Variants in ERP44 observed in about 807,000 individuals in gnomAD.
The protein encoded by ERP44 is endoplasmic reticulum resident protein 44.
Under a neutral mutation model 53.4 loss-of-function variants are expected in ERP44, and 25 were observed. The observed-to-expected ratio is 0.47, with a 90% CI of 0.34 to 0.65. The LOEUF (loss-of-function observed/expected upper bound fraction) is 0.65, where lower values mean the gene tolerates loss of function less well. Among genes scored for constraint, ERP44 ranks in the 30% least tolerant of loss-of-function variants. ERP44 has a pLI of 0.01. For missense variants in ERP44, 338 were observed against 493.2 expected (o/e 0.69, Z 2.98); for synonymous variants, 145 against 161.2 (o/e 0.90, Z 0.76).
intron 1 of ERP44, among the ~76,000 whole-genome samples, chr9:100,090,960 T>C (rs1826548480): frequency 6.6e-6 from 1 of 152,210 alleles, no homozygotes; most frequent in Non-Finnish European, 1.5e-5. Flanking sequence ...CTAAAATTTC[T>C]TAAATCCATT....
intron 10 of ERP44, among the ~76,000 whole-genome samples, chr9:99,986,517 T>C (rs1269141362): frequency 2.6e-5 from 4 of 152,216 alleles, no homozygotes; most frequent in Non-Finnish European, 5.9e-5. Flanking sequence ...TTGGGTAGAA[T>C]TGATTGACTT....
chr9:100,009,472 TC>T (rs754325866), intron 8 of ERP44, among the ~76,000 whole-genome samples: 43 of 152,086 alleles, frequency 2.8e-4, no homozygotes, highest in Non-Finnish European at 5.6e-4. Flanking sequence ...GATTCCCATC[TC>T]CCCTCTCCCC....
At chr9:100,027,577 A>G (rs1587967509) in intron 4 of ERP44, among the ~76,000 whole-genome samples, 1 of 152,332 alleles carries the variant, frequency 6.6e-6, no homozygotes, top group Middle Eastern at 3.4e-3. Context: ...ATCAAATGTT[A>G]AAATGGATGT....
intron 7 of ERP44, 26 bp from the exon 8 acceptor site, chr9:100,016,464 T>C (rs543017685): frequency 6.4e-7 from 1 of 1,571,842 alleles, no homozygotes; most frequent in Admixed American, 2.1e-5. Context: ...AAAAAAAAAT[T>C]AAATCTAACC....
At chr9:100,035,975 G>A (rs1239607171) in intron 4 of ERP44, among the ~76,000 whole-genome samples, 1 of 152,348 alleles carries the variant, frequency 6.6e-6, no homozygotes, top group East Asian at 1.9e-4. Context: ...CAACTGTGGA[G>A]AGCAGTGTGG....
In ERP44 at chr9:100,052,498, C is replaced by G; in HGVS notation, c.205G>C (p.Glu69Gln). ...TCCTTAATGACATCGGAAGCTTCCTCAAAAATTGGATGCAACATCTGACTG... is the reference window on the plus strand; with the variant it reads ...TCCTTAATGACATCGGAAGCTTCCTGAAAAATTGGATGCAACATCTGACTG... The part of the protein sequence containing the change: ...RFSQMLHPIF[E>Q]EASDVIKEEF... Residue 69 changes from glutamate (E) to glutamine (Q), a missense_variant, in exon 4 of 12, where the codon GAG becomes CAG. Physicochemically the swap from Glu to Gln is conservative, Grantham distance 29. This residue lies in a region of ERP44 where 224 missense variants were observed against 301.4 expected (regional missense o/e 0.74). Coordinates refer to ENST00000262455, the MANE Select transcript of ERP44 (RefSeq NM_015051.3). 1 of 1,611,848 alleles carries G rather than the reference C, an allele frequency of 6.2e-7. No homozygotes were observed.
chr9:100,050,421 TA>T (rs1268031595), intron 4 of ERP44, among the ~76,000 whole-genome samples: 1 of 152,166 alleles, frequency 6.6e-6, no homozygotes, highest in Non-Finnish European at 1.5e-5. Flanking sequence ...TAAAGTTGTT[TA>T]AATGGTTAGG....
In ERP44 at chr9:100,052,552, C is replaced by T; in HGVS notation, c.171-20G>A. ...CGACACCTATACACAGAGAAGGATG[C>T]CAATTAGAAATGAAAAGCAGAAGTA... On this transcript the variant is annotated intron_variant, in intron 3 of 11. Transcript: ENST00000262455. 7.3e-7 allele frequency: 1 copy of T among 1,377,926 alleles called. No homozygotes were observed. Among genetic ancestry groups the T allele is most frequent in the Non-Finnish European group, 1.0e-6 (1 of 989,038 alleles). The allele number at this position is 1,377,926 out of a possible 1,614,324, so 85.4% of individuals were successfully genotyped here. A position where few individuals can be genotyped will look rare whatever the true frequency, so the allele number is the denominator to read the frequency against.
rs147689229 is a variant in ERP44 at position 100,033,889 on chromosome 9, G to A, written c.287-11663C>T. 1.1e-3 allele frequency among the ~76,000 whole-genome samples: 175 copies of A among 152,286 alleles called. 1 individual carries two copies. The highest frequency in any genetic ancestry group is 4.1e-3 in the African/African-American group (171 of 41,570). On this transcript the variant is annotated intron_variant, in intron 4 of 11. Coordinates refer to ENST00000262455, the MANE Select transcript of ERP44 (RefSeq NM_015051.3). ...TACAAGAGACTCTAATAGGTAGGCA[G>A]GAATATCATTGCCCCTATTCAAGCT...
At chr9:99,996,542 C>T (rs201907387) in intron 10 of ERP44, among the ~76,000 whole-genome samples, 1 of 131,188 alleles carries the variant, frequency 7.6e-6, no homozygotes, top group Non-Finnish European at 1.6e-5. Context: ...TCTTTTTTTT[C>T]CCCCATTGGT....
At chr9:100,089,449 C>CG (rs1258796471) in intron 1 of ERP44, among the ~76,000 whole-genome samples, 1 of 151,804 alleles carries the variant, frequency 6.6e-6, no homozygotes, top group East Asian at 1.9e-4. Context: ...GGTGTAGTGG[C>CG]GAGTGCCTGT....
intron 1 of ERP44, among the ~76,000 whole-genome samples, chr9:100,088,997 C>T (rs1232659805): frequency 6.6e-6 from 1 of 152,174 alleles, no homozygotes; most frequent in East Asian, 1.9e-4. Flanking sequence ...CATTAGTCCC[C>T]TTTATCCAAC....
chr9:99,999,010 G>A (rs539794651), intron 10 of ERP44: 48 of 1,076,498 alleles, frequency 4.5e-5, no homozygotes, highest in African/African-American at 3.4e-4. Context: ...GTAGTCGTGC[G>A]TGGGCAGCGG....
chr9:99,990,024 A>G (rs1331752467), intron 10 of ERP44, among the ~76,000 whole-genome samples: 1 of 152,222 alleles, frequency 6.6e-6, no homozygotes, highest in Non-Finnish European at 1.5e-5. Context: ...CTACGTGAAA[A>G]GACCAAATCT....
At chr9:100,080,955 A>T (rs542102542) in intron 1 of ERP44, among the ~76,000 whole-genome samples, 73 of 152,272 alleles carry the variant, frequency 4.8e-4, no homozygotes, top group Non-Finnish European at 9.1e-4. Context: ...AAAGCTTCCT[A>T]TATATGAAAA....
chr9:99,993,027 T>C (rs1830272346), intron 10 of ERP44, among the ~76,000 whole-genome samples: 1 of 152,164 alleles, frequency 6.6e-6, no homozygotes, highest in Non-Finnish European at 1.5e-5. Context: ...CGCAAACAAA[T>C]GGAAGAACAT....
At chr9:99,983,655 C>T (rs1830171571) in intron 11 of ERP44, among the ~76,000 whole-genome samples, 2 of 151,678 alleles carry the variant, frequency 1.3e-5, no homozygotes, top group African/African-American at 2.4e-5. Context: ...ATTTTAATAT[C>T]CCCTGTAGTT....
At chr9:100,063,092 A>AAAAAG (rs773290883) in intron 1 of ERP44, among the ~76,000 whole-genome samples, 1 of 145,236 alleles carries the variant, frequency 6.9e-6, no homozygotes, top group African/African-American at 2.6e-5. Context: ...AAAAAAAAAA[A>AAAAAG]AGAGAGAGAG....
At chr9:100,090,905 T>C (rs528997587) in intron 1 of ERP44, among the ~76,000 whole-genome samples, 13 of 152,318 alleles carry the variant, frequency 8.5e-5, no homozygotes, top group African/African-American at 3.1e-4. Context: ...TTTTAAAAAT[T>C]TATTTTTCCC....
Sources: allele counts gnomAD v4.1 joint callset (sites outside exome capture counted in the v4.1 genomes callset), GRCh38; gene constraint gnomAD v4.1.1; regional missense constraint gnomAD v4.1.1; transcripts MANE v1.5; gene names NCBI Gene and HGNC (gene_info 2026-07-23, HGNC 2026-07-21).